IGBP1: variants seen among roughly 807,000 people sequenced by gnomAD.
IGBP1 encodes immunoglobulin binding protein 1.
In IGBP1, 2 loss-of-function variants were observed where a neutral mutation model predicts 25.9. The ratio of observed to expected loss-of-function variants is 0.08; its 90% CI spans 0.03 to 0.24. IGBP1 has a LOEUF of 0.24. Among genes scored for constraint, IGBP1 ranks in the 10% least tolerant of loss-of-function variants. The probability of loss-of-function intolerance (pLI) is 1.00; values close to 1 mark genes in which losing one functional copy is unlikely to be tolerated. For synonymous variants in IGBP1, 96 were observed against 93.4 expected (o/e 1.03, Z -0.16); for missense variants, 187 against 260.4 (o/e 0.72, Z 1.94).
Position 70,150,231 on chromosome X carries a change from A to G in IGBP1, c.780A>G (p.Pro260=). ...GCAGAGTATTTGGAGCTGGTTATCC[A>G]AGTCTGCCAACTATGACGGTGAGTG... ...AQAKVFGAGY[P]SLPTMTVSDW... is the part of the protein sequence containing the mutation. Residue 260 remains proline (P), a synonymous_variant, in exon 6 of 7, where the codon CCA becomes CCG. Transcript: ENST00000356413. 8.4e-6 allele frequency: 10 copies of G among 1,195,219 alleles called. No homozygotes were observed. Among genetic ancestry groups the G allele is most frequent in the Non-Finnish European group, 1.1e-5 (10 of 880,859 alleles).
chrX:70,147,918 T>G (rs759620627), intron 4 of IGBP1, among the ~76,000 whole-genome samples: 33 of 112,334 alleles, frequency 2.9e-4, no homozygotes, highest in African/African-American at 1.1e-3. Flanking sequence ...ACCTAGTTCT[T>G]CATGTTAAGA....
chrX:70,143,139 G>A (rs772540584), intron 3 of IGBP1, among the ~76,000 whole-genome samples: 1 of 110,880 alleles, frequency 9.0e-6, no homozygotes, highest in South Asian at 3.8e-4. Context: ...AGCCAGGATG[G>A]TCTCGATCTC....
At chrX:70,161,051 A>AC (rs778235442) in intron 6 of IGBP1, among the ~76,000 whole-genome samples, 12 of 111,416 alleles carry the variant, frequency 1.1e-4, no homozygotes, top group Non-Finnish European at 2.3e-4. Context: ...ACACACACCC[A>AC]CCCCTGCTTT....
At chrX:70,154,714 CAAAAAAA>C (rs762954223) in intron 6 of IGBP1, among the ~76,000 whole-genome samples, 8 of 27,104 alleles carry the variant, frequency 3.0e-4, no homozygotes, top group South Asian at 4.5e-3. Context: ...CCCCTCTCCA[CAAAAAAA>C]AAAAAAAAAA....
At chrX:70,141,268 A>G (rs2147571029) in intron 3 of IGBP1, among the ~76,000 whole-genome samples, 1 of 108,736 alleles carries the variant, frequency 9.2e-6, no homozygotes, top group African/African-American at 3.4e-5. Context: ...AATCGCTTGA[A>G]CCCGGGAGGT....
chrX:70,147,225 G>A (rs901820790), intron 4 of IGBP1, among the ~76,000 whole-genome samples: 4 of 111,055 alleles, frequency 3.6e-5, no homozygotes, highest in Non-Finnish European at 3.8e-5. Context: ...CTTGAGGCCC[G>A]GAGTTTGAGA....
chrX:70,154,667 C>T (rs375913721), intron 6 of IGBP1, among the ~76,000 whole-genome samples: 1 of 79,367 alleles, frequency 1.3e-5, no homozygotes, highest in Admixed American at 1.9e-4. Context: ...TCCCTTGAGC[C>T]GAGGAGTTCA....
intron 4 of IGBP1, among the ~76,000 whole-genome samples, chrX:70,147,703 A>G (rs1185501177): frequency 6.2e-5 from 7 of 112,238 alleles, no homozygotes; most frequent in Non-Finnish European, 1.1e-4. Context: ...AGCTTTGGCT[A>G]TCTTTGAACA....
intron 3 of IGBP1, among the ~76,000 whole-genome samples, chrX:70,138,661 T>C (rs1362943764): frequency 9.0e-6 from 1 of 111,533 alleles, no homozygotes; most frequent in East Asian, 2.8e-4. Context: ...TTTAAGCTAA[T>C]AAATTTGGAA....
intron 6 of IGBP1, among the ~76,000 whole-genome samples, chrX:70,162,033 A>G (rs2085273468): frequency 1.8e-5 from 2 of 112,203 alleles, no homozygotes; most frequent in African/African-American, 6.5e-5. Context: ...ATTTCAATTA[A>G]TTTTATGTAG....
intron 3 of IGBP1, among the ~76,000 whole-genome samples, chrX:70,136,766 A>G (rs1258709008): frequency 9.2e-6 from 1 of 108,164 alleles, no homozygotes; most frequent in Admixed American, 1.0e-4. Flanking sequence ...CTGGAGTGCA[A>G]TGGTGTGATC....
chrX:70,150,432 G>C, intron 6 of IGBP1, 110 bp downstream of exon 6: 1 of 532,035 alleles, frequency 1.9e-6, no homozygotes, highest in East Asian at 3.5e-5. Context: ...TGGGGACAAA[G>C]ATTCTGAGTA....
At chrX:70,146,131 G>A (rs1279914316) in intron 3 of IGBP1, among the ~76,000 whole-genome samples, 1 of 111,847 alleles carries the variant, frequency 8.9e-6, no homozygotes, top group Non-Finnish European at 1.9e-5. Flanking sequence ...GATGATAAAA[G>A]GATGAGCCAG....
intron 6 of IGBP1, 105 bp from the exon 7 acceptor site, chrX:70,165,728 G>T: frequency 2.7e-6 from 2 of 747,272 alleles, no homozygotes; most frequent in Admixed American, 5.3e-5. Context: ...CTGTATTCCT[G>T]TTCTCATTGC....
intron 6 of IGBP1, chrX:70,164,862 C>G (rs931279775): frequency 1.8e-5 from 2 of 111,936 alleles, no homozygotes; most frequent in Admixed American, 9.5e-5. Flanking sequence ...GGGCCGAGAC[C>G]AGCCTGGGCA....
rs752197787 is a variant in IGBP1, at chrX:70,139,254, G to A, written c.482+4438G>A. ...GAACCCAGGAGGTGGAGGTTGCAGTGAGCCGAGATCGCACCATTGCACTCC... is the reference window on the plus strand; with the variant it reads ...GAACCCAGGAGGTGGAGGTTGCAGTAAGCCGAGATCGCACCATTGCACTCC... On this transcript the variant is annotated intron_variant, in intron 3 of 6. Transcript: ENST00000356413. Among the ~76,000 whole-genome samples, 199 of 105,468 alleles carry A rather than the reference G, an allele frequency of 1.9e-3. 1 individual carries two copies. Among genetic ancestry groups the A allele is most frequent in the African/African-American group, 6.5e-3 (186 of 28,653 alleles). 91.6% of individuals were successfully genotyped at this position (105,468 alleles called of 115,157 possible).
intron 6 of IGBP1, among the ~76,000 whole-genome samples, chrX:70,158,881 CT>C (rs770377135): frequency 1.8e-4 from 20 of 111,504 alleles, no homozygotes; most frequent in Non-Finnish European, 3.2e-4. Context: ...GAAATGTATA[CT>C]TTTAAGTGGG....
intron 6 of IGBP1, among the ~76,000 whole-genome samples, chrX:70,156,327 T>C (rs1292752925): frequency 6.2e-5 from 6 of 96,465 alleles, no homozygotes; most frequent in African/African-American, 2.2e-4. Flanking sequence ...CAAAGCACAA[T>C]AGAGTGAAGC....
At chrX:70,136,507 A>G (rs935486317) in intron 3 of IGBP1, among the ~76,000 whole-genome samples, 3 of 110,773 alleles carry the variant, frequency 2.7e-5, no homozygotes, top group Admixed American at 9.7e-5. Flanking sequence ...ATGCAGCCCT[A>G]TTGTAAGTTG....
Sources: allele counts gnomAD v4.1 joint callset (sites outside exome capture counted in the v4.1 genomes callset), GRCh38; gene constraint gnomAD v4.1.1; transcripts MANE v1.5; gene names NCBI Gene and HGNC (gene_info 2026-07-23, HGNC 2026-07-21).